BLM: variants seen among roughly 807,000 people sequenced by gnomAD.
BLM encodes recQ-like DNA helicase BLM.
In BLM, 95 loss-of-function variants were observed where a neutral mutation model predicts 135.3. The ratio of observed to expected loss-of-function variants is 0.70; its 90% CI spans 0.59 to 0.83. The LOEUF (loss-of-function observed/expected upper bound fraction) is 0.83. BLM is among the 40% of genes least tolerant of loss of function. The pLI is 0.00. For synonymous variants in BLM, 520 were observed against 589.2 expected, an observed-to-expected ratio of 0.88 and a Z score of 1.70; for missense variants, 1,518 against 1,663.9, an observed-to-expected ratio of 0.91 and a Z score of 1.53.
In BLM at chr15:90,815,023, G is replaced by C. The variant is rs897730885; in HGVS notation, c.4077-79G>C. On this transcript the variant is annotated intron_variant, in intron 21 of 21. Transcript: ENST00000355112. The surrounding 1 kb of genome is among the most constrained non-coding windows in gnomAD (Gnocchi z 4.6). ...TTAGGCCCAGGGAAGTGGTATTGTA[G>C]CTCTGTGCAGGTTGAGAGGAAGGTC... 2 of 1,403,636 alleles carry C rather than the reference G, an allele frequency of 1.4e-6. No individual in the cohort carries two copies. Among genetic ancestry groups the C allele is most frequent in the Admixed American group, 3.6e-5 (2 of 55,466 alleles). 86.9% of individuals were successfully genotyped at this position (1,403,636 alleles called of 1,614,324 possible).
At chr15:90,801,243 C>T (rs1897159853) in intron 17 of BLM, among the ~76,000 whole-genome samples, 1 of 151,924 alleles carries the variant, frequency 6.6e-6, no homozygotes, top group Non-Finnish European at 1.5e-5. Flanking sequence ...CTTTTGGTTC[C>T]ATAAGAGTCA....
chr15:90,726,533 G>T (rs779559074), intron 1 of BLM, among the ~76,000 whole-genome samples: 15 of 152,174 alleles, frequency 9.9e-5, no homozygotes, highest in Non-Finnish European at 1.3e-4. Context: ...CTCCCAAAGT[G>T]CTGGGATTAC....
intron 19 of BLM, among the ~76,000 whole-genome samples, chr15:90,808,608 G>A (rs997870065): frequency 6.6e-6 from 1 of 152,254 alleles, no homozygotes; most frequent in South Asian, 2.1e-4. Context: ...CTATGCAGAG[G>A]ACTCAGCTGG....
chr15:90,809,965 C>T (rs1432312310), intron 20 of BLM, among the ~76,000 whole-genome samples: 4 of 152,232 alleles, frequency 2.6e-5, no homozygotes, highest in Non-Finnish European at 5.9e-5. Context: ...CAGACAGGCC[C>T]GGTTCAGTGT....
At chr15:90,761,763 G>C (rs1895994089) in intron 7 of BLM, among the ~76,000 whole-genome samples, 1 of 152,116 alleles carries the variant, frequency 6.6e-6, no homozygotes, top group Non-Finnish European at 1.5e-5. Context: ...TTGGGTCTAA[G>C]GGCTCACTGC....
chr15:90,731,964 T>C (rs1186390845), intron 1 of BLM, among the ~76,000 whole-genome samples: 1 of 152,214 alleles, frequency 6.6e-6, no homozygotes, highest in Non-Finnish European at 1.5e-5. Flanking sequence ...CTTCCCAAAG[T>C]GCTGGGATTA....
In BLM at chr15:90,816,116, G is replaced by C. The variant is rs2029921076; in HGVS notation, c.*837G>C. The C allele has an allele frequency of 6.6e-6, 1 of 150,888 alleles. No homozygotes were observed. Among genetic ancestry groups the C allele is most frequent in the Admixed American group, 6.6e-5 (1 of 15,114 alleles). 9.3% of individuals were successfully genotyped at this position (150,888 alleles called of 1,614,324 possible). On this transcript the variant is annotated 3_prime_UTR_variant, in exon 22 of 22. Coordinates refer to ENST00000355112, the MANE Select transcript of BLM (RefSeq NM_000057.4). ...AAAAAAAAAGAAATATACATGCTCT[G>C]CAAATATGTGAAAAAGGTCAATCTC...
chr15:90,782,514 G>A (rs1896641483), intron 12 of BLM, among the ~76,000 whole-genome samples: 1 of 152,204 alleles, frequency 6.6e-6, no homozygotes, highest in African/African-American at 2.4e-5. Flanking sequence ...AAGCCAGGAA[G>A]TCCAAGATCA....
At chr15:90,763,269 T>C in intron 8 of BLM, 112 bp downstream of exon 8, 1 of 1,092,276 alleles carries the variant, frequency 9.2e-7, no homozygotes, top group Non-Finnish European at 1.4e-6. Flanking sequence ...TTTAGGGACC[T>C]CTTAAACCTC....
chr15:90,765,836 G>C (rs1437101044), intron 9 of BLM, among the ~76,000 whole-genome samples: 3 of 152,142 alleles, frequency 2.0e-5, no homozygotes, highest in Middle Eastern at 6.9e-3. Flanking sequence ...AATGTAGTTG[G>C]GGGTGGTGGC....
In BLM at chr15:90,749,782, C is replaced by G. The variant is rs1163233988; in HGVS notation, c.514C>G (p.Pro172Ala). The change falls in exon 3 of 22, where the codon CCA becomes GCA. Residue 172 changes from proline (P) to alanine (A), a missense_variant. This residue lies in a region of BLM where 724 missense variants were observed against 756.9 expected (regional missense o/e 0.96). Coordinates refer to ENST00000355112, the MANE Select transcript of BLM (RefSeq NM_000057.4). ...TSETSKSFVT[P>A]PQSHFVRVST... ...TGAGACTTCAAAATCATTTGTTACA[C>G]CACCCCAAAGTCACTTTGTAAGAGT... 1 of 1,612,146 alleles carries G rather than the reference C, an allele frequency of 6.2e-7. No individual in the cohort carries two copies. Among genetic ancestry groups the G allele is most frequent in the East Asian group, 2.2e-5 (1 of 44,864 alleles).
intron 1 of BLM, among the ~76,000 whole-genome samples, chr15:90,723,775 A>G (rs1392708296): frequency 1.3e-5 from 2 of 152,104 alleles, no homozygotes. Context: ...CATTACTGAA[A>G]CTTTATACTT....
At chr15:90,789,988 T>TTTG (rs1896859312) in intron 14 of BLM, among the ~76,000 whole-genome samples, 3 of 15,006 alleles carry the variant, frequency 2.0e-4, no homozygotes, top group Non-Finnish European at 4.1e-4. Context: ...GTCCCTGGTG[T>TTTG]TTTTTTTTTT....
intron 12 of BLM, among the ~76,000 whole-genome samples, chr15:90,771,700 C>G (rs927172308): frequency 4.6e-5 from 7 of 151,022 alleles, no homozygotes; most frequent in Non-Finnish European, 2.9e-5. Flanking sequence ...CTCAGCCTTC[C>G]TAAGTGCTGA....
chr15:90,784,845 C>T (rs1356508958), intron 13 of BLM, 76 bp from the exon 14 acceptor site: 1 of 1,463,242 alleles, frequency 6.8e-7, no homozygotes, highest in African/African-American at 1.4e-5. Flanking sequence ...TCATATATTT[C>T]TGAAAATGTA....
At position 90,809,160 on chromosome 15, in the gene BLM, G is replaced by T; in HGVS notation, c.3775G>T (p.Val1259Phe). ...LAESLSSDPE[V>F]LLQIDGVTED... ...AGAATCTTTATCTTCTGATCCTGAG[G>T]TTTTGCTTCAAATTGATGGTGTTAC... Residue 1259 changes from valine (V) to phenylalanine (F), a missense_variant, in exon 20 of 22, where the codon GTT (valine) becomes TTT (phenylalanine). Val to Phe is a conservative substitution (Grantham distance 50). Transcript: ENST00000355112. 1 of 1,614,092 alleles carries T rather than the reference G, an allele frequency of 6.2e-7. No individual in the cohort carries two copies. The highest frequency in any genetic ancestry group is 1.6e-4 in the Middle Eastern group (1 of 6,062).
chr15:90,732,904 T>C (rs1406978543), intron 1 of BLM, among the ~76,000 whole-genome samples: 1 of 152,068 alleles, frequency 6.6e-6, no homozygotes, highest in Non-Finnish European at 1.5e-5. Flanking sequence ...GACTATCCTG[T>C]CCAACACGGT....
chr15:90,790,860 T>G lies in BLM; in HGVS notation c.3019+16T>G. On this transcript the variant is annotated intron_variant, in intron 15 of 21. Transcript: ENST00000355112. ...CTTATAATGAGTAAGCTGGGCTCCA[T>G]TGTAGAGACATTCTGTCATCTTCAG... The G allele has an allele frequency of 6.2e-7, 1 of 1,605,082 alleles. No individual in the cohort carries two copies.
At chr15:90,735,920 G>C (rs1895202547) in intron 1 of BLM, among the ~76,000 whole-genome samples, 1 of 152,060 alleles carries the variant, frequency 6.6e-6, no homozygotes, top group Admixed American at 6.6e-5. Context: ...TCTAAATTGA[G>C]AGAAAAAAAT....
Sources: allele counts gnomAD v4.1 joint callset (sites outside exome capture counted in the v4.1 genomes callset), GRCh38; gene constraint gnomAD v4.1.1; regional missense constraint gnomAD v4.1.1; non-coding constraint Gnocchi (gnomAD v3.1); transcripts MANE v1.5; gene names NCBI Gene and HGNC (gene_info 2026-07-23, HGNC 2026-07-21).